The following RAD51B variants were observed in gnomAD, a reference collection of about 807,000 sequenced individuals.
RAD51B encodes the protein DNA repair protein RAD51 homolog 2.
RAD51B carries 38 observed loss-of-function variants against 42.2 expected under a neutral mutation model. The ratio of observed to expected loss-of-function variants is 0.90; its 90% CI spans 0.70 to 1.18. RAD51B has a LOEUF of 1.18. RAD51B is among the 50% of genes most tolerant of loss of function. RAD51B has a pLI of 0.00. For synonymous variants in RAD51B, 154 were observed against 145.2 expected (o/e 1.06, Z -0.43); for missense variants, 373 against 400.7 (o/e 0.93, Z 0.59).
downstream of RAD51B, among the ~76,000 whole-genome samples, chr14:68,596,847 A>G (rs10136315): frequency 0.39 from 59,550 of 152,114 alleles, 11,850 homozygotes; most frequent in South Asian, 0.58. Flanking sequence ...CGTCAGGGGC[A>G]GACATTGGCA....
intron 7 of RAD51B, among the ~76,000 whole-genome samples, chr14:67,892,303 A>T (rs1595069221): frequency 6.6e-6 from 1 of 152,200 alleles, no homozygotes; most frequent in South Asian, 2.1e-4. Flanking sequence ...TCTTTCTTTT[A>T]TGTAGCTCTT....
chr14:68,587,008 G>A (rs1316962966), intron 10 of RAD51B, among the ~76,000 whole-genome samples: 2 of 150,554 alleles, frequency 1.3e-5, no homozygotes, highest in Non-Finnish European at 2.9e-5. Flanking sequence ...CAGCCAACAA[G>A]AGCAAAACTC....
chr14:68,154,897 A>G (rs998944790), intron 7 of RAD51B, among the ~76,000 whole-genome samples: 5 of 152,190 alleles, frequency 3.3e-5, no homozygotes, highest in Non-Finnish European at 7.3e-5. Flanking sequence ...GAAATGACCA[A>G]TCACAAAACA....
At chr14:68,012,619 A>G (rs1298863666) in intron 7 of RAD51B, among the ~76,000 whole-genome samples, 1 of 152,048 alleles carries the variant, frequency 6.6e-6, no homozygotes, top group Non-Finnish European at 1.5e-5. Context: ...GTGTTAGGGT[A>G]TTTTATTTCT....
At chr14:67,969,871 AT>A (rs1045130045) in intron 7 of RAD51B, among the ~76,000 whole-genome samples, 3 of 152,136 alleles carry the variant, frequency 2.0e-5, no homozygotes, top group African/African-American at 4.8e-5. Context: ...TAGTATTTGA[AT>A]TTTTTTCTTT....
At chr14:68,027,806 T>C (rs965702377) in intron 7 of RAD51B, among the ~76,000 whole-genome samples, 1 of 152,378 alleles carries the variant, frequency 6.6e-6, no homozygotes, top group Admixed American at 6.5e-5. Context: ...CCTTGCCATC[T>C]AGATTCTGAA....
chr14:68,371,088 T>TTC (rs2083253825), intron 8 of RAD51B, among the ~76,000 whole-genome samples: 1 of 144,308 alleles, frequency 6.9e-6, no homozygotes, highest in South Asian at 2.2e-4. Flanking sequence ...AAAAAAAGAA[T>TTC]TATCTGTGTA....
At chr14:68,606,497 A>G (rs1189091842) in intron 10 of RAD51B, among the ~76,000 whole-genome samples, 1 of 152,188 alleles carries the variant, frequency 6.6e-6, no homozygotes, top group Non-Finnish European at 1.5e-5. Flanking sequence ...CTAAAAAAAG[A>G]TTTCATTATG....
chr14:68,120,195 G>A (rs1372050753), intron 7 of RAD51B, among the ~76,000 whole-genome samples: 3 of 151,848 alleles, frequency 2.0e-5, no homozygotes, highest in African/African-American at 7.3e-5. Context: ...ATTTGTTTGA[G>A]TTCATTGTAG....
Position 68,166,592 on chromosome 14 carries a change from T to TA in RAD51B, c.757-125291dup, listed in dbSNP as rs1376647440. ...CAATTTTAAATAATTTGAGAATACT[T>TA]ACCTGGTTAGTAGGCTAAACTAACG... On this transcript the variant is annotated intron_variant, in intron 7 of 10. Coordinates refer to ENST00000471583, the MANE Select transcript of RAD51B (RefSeq NM_133510.4). Among the ~76,000 whole-genome samples the TA allele has an allele frequency of 1.4e-4, 22 of 152,304 alleles. No individual in the cohort carries two copies. In the South Asian group the frequency reaches 2.9e-3, roughly 20 times the overall value.
chr14:68,102,258 C>T (rs548795478), intron 7 of RAD51B, among the ~76,000 whole-genome samples: 52 of 152,318 alleles, frequency 3.4e-4, no homozygotes, highest in Middle Eastern at 3.4e-3. Context: ...TCTCCATTGT[C>T]TTGGCAAGTA....
At chr14:68,419,778 A>G (rs2084653327) in intron 9 of RAD51B, among the ~76,000 whole-genome samples, 1 of 151,968 alleles carries the variant, frequency 6.6e-6, no homozygotes, top group Non-Finnish European at 1.5e-5. Context: ...TTTTTGAGTC[A>G]GTCAATCTTT....
intron 7 of RAD51B, among the ~76,000 whole-genome samples, chr14:67,891,845 A>G (rs1566944511): frequency 6.6e-6 from 1 of 152,152 alleles, no homozygotes; most frequent in Non-Finnish European, 1.5e-5. Context: ...CTGGTGAGAT[A>G]AGAGGAAAAA....
intron 7 of RAD51B, among the ~76,000 whole-genome samples, chr14:68,142,466 T>G (rs1372805333): frequency 2.0e-5 from 3 of 152,230 alleles, no homozygotes; most frequent in Non-Finnish European, 4.4e-5. Flanking sequence ...CTTTATGTTT[T>G]TCTTTCTTTC....
intron 10 of RAD51B, among the ~76,000 whole-genome samples, chr14:68,578,005 T>C (rs1373699463): frequency 2.0e-5 from 3 of 152,232 alleles, no homozygotes; most frequent in African/African-American, 7.2e-5. Context: ...TTACTGGTCT[T>C]CCTGATTCTG....
intron 8 of RAD51B, among the ~76,000 whole-genome samples, chr14:68,351,368 C>T (rs974064505): frequency 5.9e-5 from 9 of 152,294 alleles, no homozygotes; most frequent in African/African-American, 2.2e-4. Context: ...AATAATTCCT[C>T]TCTCTCTCTT....
At chr14:68,661,905 C>A (rs1404128070) in intron 11 of RAD51B, among the ~76,000 whole-genome samples, 1 of 152,220 alleles carries the variant, frequency 6.6e-6, no homozygotes, top group Non-Finnish European at 1.5e-5. Context: ...CAACAAGGCT[C>A]TTCAACATGA....
intron 11 of RAD51B, among the ~76,000 whole-genome samples, chr14:68,652,250 G>T (rs1247562763): frequency 6.6e-6 from 1 of 152,212 alleles, no homozygotes; most frequent in Non-Finnish European, 1.5e-5. Flanking sequence ...CCGAGGCCAC[G>T]CAGCCCCGAT....
At chr14:68,117,164 G>A (rs2140613171) in intron 7 of RAD51B, among the ~76,000 whole-genome samples, 1 of 152,174 alleles carries the variant, frequency 6.6e-6, no homozygotes, top group African/African-American at 2.4e-5. Flanking sequence ...CTTCTCTTTT[G>A]TTATAGACTT....
Sources: allele counts gnomAD v4.1 joint callset (sites outside exome capture counted in the v4.1 genomes callset), GRCh38; gene constraint gnomAD v4.1.1; transcripts MANE v1.5; gene names NCBI Gene and HGNC (gene_info 2026-07-23, HGNC 2026-07-21).